Variants in MSI2 observed in about 807,000 individuals in gnomAD.
MSI2 encodes RNA-binding protein Musashi homolog 2.
In MSI2, 17 loss-of-function variants were observed where a neutral mutation model predicts 45.6. The observed-to-expected ratio is 0.37, with a 90% CI of 0.26 to 0.56. The LOEUF (loss-of-function observed/expected upper bound fraction) is 0.56, where lower values mean the gene tolerates loss of function less well. MSI2 is among the 20% of genes least tolerant of loss of function. The pLI is 0.77. For missense variants in MSI2, 293 were observed against 444.2 expected (o/e 0.66, Z 3.06); for synonymous variants, 156 against 158.2 (o/e 0.99, Z 0.11).
intron 10 of MSI2, among the ~76,000 whole-genome samples, chr17:57,643,398 T>G (rs541893724): frequency 4.0e-4 from 61 of 152,334 alleles, no homozygotes; most frequent in Middle Eastern, 6.8e-3. Flanking sequence ...AGATCCAGTG[T>G]TGCGAAGGGC....
At chr17:57,274,175 G>C (rs535865137) in intron 5 of MSI2, 2 of 152,130 alleles carry the variant, frequency 1.3e-5, no homozygotes, top group Non-Finnish European at 2.9e-5. Flanking sequence ...GCAAATAGAG[G>C]CTGGATCCTA....
At chr17:57,631,809 A>C (rs1909395347) in intron 10 of MSI2, 1 of 1,613,630 alleles carries the variant, frequency 6.2e-7, no homozygotes, top group African/African-American at 1.3e-5. Context: ...CCGGTTTCAC[A>C]AGACATAATT....
At chr17:57,359,912 G>T (rs554486884) in intron 5 of MSI2, among the ~76,000 whole-genome samples, 7 of 152,324 alleles carry the variant, frequency 4.6e-5, no homozygotes, top group African/African-American at 1.4e-4. Context: ...ACCTTTATTT[G>T]TGATGTGGGG....
At chr17:57,372,690 T>C (rs1301954527) in intron 5 of MSI2, among the ~76,000 whole-genome samples, 2 of 152,224 alleles carry the variant, frequency 1.3e-5, no homozygotes, top group Non-Finnish European at 2.9e-5. Context: ...CCAATAGTAG[T>C]GTTCCCCTTT....
At chr17:57,317,506 C>CTTTT (rs921448429) in intron 5 of MSI2, among the ~76,000 whole-genome samples, 50 of 94,534 alleles carry the variant, frequency 5.3e-4, no homozygotes, top group Non-Finnish European at 7.7e-4. Flanking sequence ...TATAGTTTTG[C>CTTTT]TTTTTTTTTT....
chr17:57,504,623 G>C (rs1041284061), intron 6 of MSI2, among the ~76,000 whole-genome samples: 1 of 152,174 alleles, frequency 6.6e-6, no homozygotes, highest in Non-Finnish European at 1.5e-5. Context: ...ACAAGGTTCT[G>C]AAGCAAAGAG....
intron 5 of MSI2, among the ~76,000 whole-genome samples, chr17:57,315,295 A>G (rs1912763641): frequency 6.6e-6 from 1 of 152,060 alleles, no homozygotes; most frequent in Non-Finnish European, 1.5e-5. Context: ...TAAAGGAGAA[A>G]CACAGGCCCA....
At chr17:57,666,877 C>T (rs1912408479) in intron 11 of MSI2, among the ~76,000 whole-genome samples, 1 of 152,130 alleles carries the variant, frequency 6.6e-6, no homozygotes, top group African/African-American at 2.4e-5. Context: ...GAGTGTGCTT[C>T]AAAGACAGAG....
chr17:57,358,743 AT>A (rs1916619181), intron 5 of MSI2, among the ~76,000 whole-genome samples: 2 of 152,128 alleles, frequency 1.3e-5, no homozygotes, highest in Non-Finnish European at 2.9e-5. Context: ...AGAAGTGCTG[AT>A]TTTCATTGCA....
intron 10 of MSI2, among the ~76,000 whole-genome samples, chr17:57,636,008 G>A (rs1304889350): frequency 6.6e-6 from 1 of 152,222 alleles, no homozygotes; most frequent in Admixed American, 6.5e-5. Flanking sequence ...GAGTGGGGAG[G>A]GTTGGTGTCT....
chr17:57,515,666 G>A (rs945872045), intron 6 of MSI2, among the ~76,000 whole-genome samples: 1 of 152,156 alleles, frequency 6.6e-6, no homozygotes, highest in Non-Finnish European at 1.5e-5. Flanking sequence ...AAGCGATGGG[G>A]GAGTGTGGAC....
intron 10 of MSI2, chr17:57,632,005 T>C: frequency 7.3e-7 from 1 of 1,377,286 alleles, no homozygotes; most frequent in Non-Finnish European, 9.3e-7. Flanking sequence ...ATGTCCTCAT[T>C]GCTTCACTCA....
intron 6 of MSI2, among the ~76,000 whole-genome samples, chr17:57,425,541 A>G (rs2084475152): frequency 6.6e-6 from 1 of 152,048 alleles, no homozygotes; most frequent in African/African-American, 2.4e-5. Context: ...TGTCAGAGGC[A>G]TTTTTCCATG....
chr17:57,300,104 C>A (rs1359715988), intron 5 of MSI2, among the ~76,000 whole-genome samples: 1 of 152,200 alleles, frequency 6.6e-6, no homozygotes, highest in East Asian at 1.9e-4. Flanking sequence ...AAACTGGTAT[C>A]TAGCTGATCT....
intron 5 of MSI2, among the ~76,000 whole-genome samples, chr17:57,380,822 T>G (rs2083586166): frequency 6.6e-6 from 1 of 152,206 alleles, no homozygotes; most frequent in African/African-American, 2.4e-5. Flanking sequence ...CTTCTCTCAC[T>G]TCTGTGTGTG....
chr17:57,541,806 G>A (rs1255527531), intron 7 of MSI2, among the ~76,000 whole-genome samples: 2 of 152,178 alleles, frequency 1.3e-5, no homozygotes, highest in Non-Finnish European at 1.5e-5. Flanking sequence ...GTACACCTTT[G>A]AGCACTCCTT....
intron 6 of MSI2, among the ~76,000 whole-genome samples, chr17:57,456,434 C>T (rs2085116090): frequency 6.6e-6 from 1 of 152,108 alleles, no homozygotes; most frequent in African/African-American, 2.4e-5. Context: ...ATGGTGAAAC[C>T]CTGTCTCTAC....
intron 6 of MSI2, among the ~76,000 whole-genome samples, chr17:57,425,729 C>T (rs894618): frequency 0.13 from 20,268 of 152,258 alleles, 1,510 homozygotes; most frequent in East Asian, 0.21. Context: ...ATGCATTTCT[C>T]TCCTGCTCCT....
chr17:57,637,486 G>A (rs532017782), intron 10 of MSI2, among the ~76,000 whole-genome samples: 3 of 152,328 alleles, frequency 2.0e-5, no homozygotes, highest in African/African-American at 4.8e-5. Context: ...CTTCCGATCA[G>A]CTTTCTGTGC....
Sources: allele counts gnomAD v4.1 joint callset (sites outside exome capture counted in the v4.1 genomes callset), GRCh38; gene constraint gnomAD v4.1.1; transcripts MANE v1.5; gene names NCBI Gene and HGNC (gene_info 2026-07-23, HGNC 2026-07-21).